The following CELSR1 variants were observed in gnomAD, a reference collection of about 807,000 sequenced individuals.
CELSR1 encodes the protein adhesion G protein-coupled receptor C1.
In CELSR1, 110 loss-of-function variants were observed where a neutral mutation model predicts 249.1. The ratio of observed to expected loss-of-function variants is 0.44; its 90% CI spans 0.38 to 0.52. CELSR1 has a LOEUF of 0.52. CELSR1 is among the 20% of genes least tolerant of loss of function. CELSR1 has a pLI of 0.00. For synonymous variants in CELSR1, 2,113 were observed against 1,900.0 expected, an observed-to-expected ratio of 1.11 and a Z score of -2.92; for missense variants, 4,109 against 4,296.4, an observed-to-expected ratio of 0.96 and a Z score of 1.22.
At chr22:46,416,353 G>A (rs998389148) in intron 5 of CELSR1, among the ~76,000 whole-genome samples, 11 of 152,192 alleles carry the variant, frequency 7.2e-5, no homozygotes, top group South Asian at 4.1e-4. Flanking sequence ...TGGGTACTGC[G>A]CAGCAGCCGG....
intron 1 of CELSR1, among the ~76,000 whole-genome samples, chr22:46,515,399 T>G (rs3788726): frequency 6.6e-6 from 1 of 152,114 alleles, no homozygotes; most frequent in Non-Finnish European, 1.5e-5. Flanking sequence ...GTAGGAAGGT[T>G]TGCACATGTT....
intron 1 of CELSR1, among the ~76,000 whole-genome samples, chr22:46,479,384 G>A (rs930011517): frequency 3.9e-5 from 6 of 152,086 alleles, no homozygotes; most frequent in Non-Finnish European, 8.8e-5. Context: ...CAGCTGCCAG[G>A]GGAAAACTGT....
intron 1 of CELSR1, among the ~76,000 whole-genome samples, chr22:46,470,620 G>A (rs183745281): frequency 2.0e-5 from 3 of 152,160 alleles, no homozygotes; most frequent in Admixed American, 6.5e-5. Flanking sequence ...CACGGGCCAC[G>A]GTGAAATTAC....
chr22:46,395,673 G>A lies in CELSR1; in HGVS notation c.5843+932C>T, dbSNP rs116878091. On this transcript the variant is annotated intron_variant, in intron 13 of 34. Transcript: ENST00000674500. This position sits in a 1 kb window ranked among gnomAD's most constrained non-coding sequence, Gnocchi z 5.5. ...GGATCACAGCACCTGCTCTAGGCTC[G>A]GGAGGACAAAGAACGGAGCATAGCA... Among the ~76,000 whole-genome samples the A allele has an allele frequency of 2.1e-3, 318 of 152,264 alleles. 1 individual carries two copies. Among genetic ancestry groups the A allele is most frequent in the Non-Finnish European group, 3.2e-3 (218 of 68,018 alleles).
intron 26 of CELSR1, 105 bp from the exon 27 acceptor site, chr22:46,369,363 G>A (rs2078825278): frequency 3.0e-6 from 3 of 989,980 alleles, no homozygotes; most frequent in South Asian, 2.9e-5. Flanking sequence ...GGGTGGCTGG[G>A]TGAGGAGGAC....
intron 5 of CELSR1, among the ~76,000 whole-genome samples, chr22:46,415,236 G>A (rs1160519103): frequency 2.6e-5 from 4 of 152,020 alleles, no homozygotes; most frequent in African/African-American, 9.7e-5. Flanking sequence ...TGCAACCTCC[G>A]CCTCCCAGGT....
intron 5 of CELSR1, among the ~76,000 whole-genome samples, chr22:46,424,083 T>TA (rs1602116481): frequency 1.3e-5 from 2 of 151,988 alleles, no homozygotes; most frequent in African/African-American, 4.8e-5. Flanking sequence ...AATTTTTTTT[T>TA]AAGACAAGAG....
At position 46,490,897 on chromosome 22, in the gene CELSR1, A is replaced by G. The variant is rs541855844; in HGVS notation, c.3545-26552T>C. ...TGTCATTTTCGCTGCTCTACAGACC[A>G]GGCCTCAGAGGATCAGGAGGTCCAG... On this transcript the variant is annotated intron_variant, in intron 1 of 34. Transcript: ENST00000674500. This position sits in a 1 kb window ranked among gnomAD's most constrained non-coding sequence, Gnocchi z 5.2. Among the ~76,000 whole-genome samples the G allele has an allele frequency of 1.3e-5, 2 of 152,210 alleles. No homozygotes were observed. The highest frequency in any genetic ancestry group is 4.1e-4 in the South Asian group (2 of 4,828).
In CELSR1 at chr22:46,536,751, C is replaced by T. The variant is rs1029490713; in HGVS notation, c.420G>A (p.Ala140=). ...CTGCGAGCGCCGAATGCTGCGCGGC[C>T]GCGCAGCCGCCGGGGACGGGGAAGC... The part of the protein sequence containing the change: ...ALCFPVPGGC[A]AAQHSALAAP... The change falls in exon 1 of 35, where the codon GCG becomes GCA. Residue 140 remains alanine (A), a synonymous_variant. Transcript: ENST00000674500. The T allele has an allele frequency of 6.8e-6, 8 of 1,181,296 alleles. No homozygotes were observed. The highest frequency in any genetic ancestry group is 4.7e-5 in the Admixed American group (1 of 21,312). 73.2% of individuals were successfully genotyped at this position (1,181,296 alleles called of 1,614,324 possible). A position where few individuals can be genotyped will look rare whatever the true frequency, so the allele number is the denominator to read the frequency against.
rs2080872685 is a variant in CELSR1 at position 46,537,562 on chromosome 22, C to G, written c.-392G>C. ...GCGGGGGCTGAGTTCCCGGAGCGGG[C>G]TGGGCAGCTCCGCGCCGCGCAGACC... On this transcript the variant is annotated 5_prime_UTR_variant, in exon 1 of 35. Transcript: ENST00000674500. This position sits in a 1 kb window ranked among gnomAD's most constrained non-coding sequence, Gnocchi z 5.8. Among the ~76,000 whole-genome samples the G allele has an allele frequency of 6.8e-6, 1 of 147,226 alleles. No individual in the cohort carries two copies. Among genetic ancestry groups the G allele is most frequent in the Admixed American group, 6.7e-5 (1 of 14,834 alleles).
Position 46,378,700 on chromosome 22 carries a change from C to T in CELSR1, c.7274G>A (p.Gly2425Glu). 1 of 1,612,576 alleles carries T rather than the reference C, an allele frequency of 6.2e-7. No individual in the cohort carries two copies. Among genetic ancestry groups the T allele is most frequent in the Non-Finnish European group, 8.5e-7 (1 of 1,179,768 alleles). The change falls in exon 23 of 35, where the codon GGG (glycine) becomes GAG (glutamate). Residue 2425 changes from glycine (G) to glutamate (E), a missense_variant. Coordinates refer to ENST00000674500, the MANE Select transcript of CELSR1 (RefSeq NM_001378328.1). Reference sequence around the variant, plus strand: ...GAGCTCGCAGCCCCGGGCAGACCACCCTCCCGTCCCACCAACGCTGCGGAG... The same window carrying T: ...GAGCTCGCAGCCCCGGGCAGACCACTCTCCCGTCCCACCAACGCTGCGGAG... ...NHSLAVGGTG[G>E]WSARGCELLS...
chr22:46,537,149 C>T lies in CELSR1; in HGVS notation c.22G>A (p.Val8Met), dbSNP rs995764390. 128 of 1,026,086 alleles carry T rather than the reference C, an allele frequency of 1.2e-4. No homozygotes were observed. The highest frequency in any genetic ancestry group is 1.4e-4 in the Non-Finnish European group (124 of 858,798). 63.6% of individuals were successfully genotyped at this position (1,026,086 alleles called of 1,614,324 possible). Residue 8 changes from valine (V) to methionine (M), a missense_variant, in exon 1 of 35, where the codon GTG becomes ATG. Val to Met is a conservative substitution (Grantham distance 21). Around this residue, in one of 7 missense-constraint regions of CELSR1, gnomAD observed 673 missense variants for 636.8 expected, o/e 1.06. Coordinates refer to ENST00000674500, the MANE Select transcript of CELSR1 (RefSeq NM_001378328.1). This position sits in a 1 kb window ranked among gnomAD's most constrained non-coding sequence, Gnocchi z 5.8. Reference sequence around the variant, plus strand: ...GCCAGGAGCAGCAGCACGGGCAGCACGGGCGGCGGCGGCGGCGCCATGGCC... The same window carrying T: ...GCCAGGAGCAGCAGCACGGGCAGCATGGGCGGCGGCGGCGGCGCCATGGCC... MAPPPPPVLPVLLLLAAA... is the reference protein window; with the variant it reads MAPPPPPMLPVLLLLAAA...
Position 46,535,913 on chromosome 22 carries a change from C to T in CELSR1, c.1258G>A (p.Ala420Thr), listed in dbSNP as rs2080848856. 1 of 1,609,070 alleles carries T rather than the reference C, an allele frequency of 6.2e-7. No individual in the cohort carries two copies. Among genetic ancestry groups the T allele is most frequent in the Non-Finnish European group, 8.5e-7 (1 of 1,179,482 alleles). ...STRAVLDREE[A>T]AEYQLLVEAN... The stretch of plus-strand genomic sequence containing the variant: ...TCCACCAGGAGCTGGTACTCGGCCG[C>T]CTCCTCCCGGTCCAGCACCGCCCGT... The change falls in exon 1 of 35, where the codon GCG becomes ACG. Residue 420 changes from alanine to threonine, a missense_variant. Physicochemically the swap from Ala to Thr is moderately conservative, Grantham distance 58. Around this residue, in one of 7 missense-constraint regions of CELSR1, gnomAD observed 673 missense variants for 636.8 expected, o/e 1.06. Coordinates refer to ENST00000674500, the MANE Select transcript of CELSR1 (RefSeq NM_001378328.1).
chr22:46,479,432 A>G (rs975238708), intron 1 of CELSR1, among the ~76,000 whole-genome samples: 2 of 152,058 alleles, frequency 1.3e-5, no homozygotes, highest in Non-Finnish European at 2.9e-5. Context: ...ACTCCAGGTG[A>G]GCCTCAAGCA....
Position 46,448,561 on chromosome 22 carries a change from A to G in CELSR1, c.4184-9150T>C. The G allele has an allele frequency of 2.3e-6, 1 of 441,954 alleles. No individual in the cohort carries two copies. 27.4% of individuals were successfully genotyped at this position (441,954 alleles called of 1,614,324 possible). ...AAAAGACAATTCCTTTCTGGTCCTA[A>G]GAAACAGCTAAGAGCTTTGAACTAG... is the stretch of plus-strand genomic sequence containing the variant. On this transcript the variant is annotated intron_variant, in intron 2 of 34. Transcript: ENST00000674500. The surrounding 1 kb of genome is among the most constrained non-coding windows in gnomAD (Gnocchi z 5.7).
chr22:46,367,668 C>A, intron 28 of CELSR1, 61 bp downstream of exon 28: 1 of 1,552,246 alleles, frequency 6.4e-7, no homozygotes, highest in East Asian at 2.4e-5. Context: ...TGCTTCGCAT[C>A]ACAGCGATGG....
chr22:46,439,822 C>A (rs796497550), intron 2 of CELSR1, among the ~76,000 whole-genome samples: 3 of 152,272 alleles, frequency 2.0e-5, no homozygotes, highest in African/African-American at 7.2e-5. Flanking sequence ...TATGCCCGTG[C>A]CACAGCAGAA....
In CELSR1 at chr22:46,490,064, T is replaced by C. The variant is rs2080353123; in HGVS notation, c.3545-25719A>G. ...ACCTAACGTGGCCACCCCACAGGGC[T>C]GCACAGAGACCCAGTGAGCCGCTTT... is the stretch of plus-strand genomic sequence containing the variant. On this transcript the variant is annotated intron_variant, in intron 1 of 34. Coordinates refer to ENST00000674500, the MANE Select transcript of CELSR1 (RefSeq NM_001378328.1). This position sits in a 1 kb window ranked among gnomAD's most constrained non-coding sequence, Gnocchi z 5.2. 6.6e-6 allele frequency among the ~76,000 whole-genome samples: 1 copy of C among 152,254 alleles called. No individual in the cohort carries two copies. The highest frequency in any genetic ancestry group is 2.1e-4 in the South Asian group (1 of 4,826).
At position 46,390,244 on chromosome 22, in the gene CELSR1, C is replaced by T; in HGVS notation, c.6345+148G>A. 1 of 605,270 alleles carries T rather than the reference C, an allele frequency of 1.7e-6. No homozygotes were observed. Among genetic ancestry groups the T allele is most frequent in the Non-Finnish European group, 2.8e-6 (1 of 362,088 alleles). The allele number at this position is 605,270 out of a possible 1,614,324, so 37.5% of individuals were successfully genotyped here. A position where few individuals can be genotyped will look rare whatever the true frequency, so the allele number is the denominator to read the frequency against. ...GAAGTCCACAGGAACCTGCTGGCTCCAGGCTGCGGGCCCGTGGGGCTGTCC... is the reference window on the plus strand; with the variant it reads ...GAAGTCCACAGGAACCTGCTGGCTCTAGGCTGCGGGCCCGTGGGGCTGTCC... On this transcript the variant is annotated intron_variant, in intron 17 of 34. Transcript: ENST00000674500. This position sits in a 1 kb window ranked among gnomAD's most constrained non-coding sequence, Gnocchi z 6.3.
Sources: gnomAD v4.1 joint callset for allele counts (sites outside exome capture counted in the v4.1 genomes callset) on GRCh38, gnomAD v4.1.1 for gene constraint, gnomAD v4.1.1 regional missense constraint, Gnocchi (gnomAD v3.1) non-coding constraint, MANE v1.5 for transcripts, NCBI Gene and HGNC (gene_info 2026-07-23, HGNC 2026-07-21) for gene names.